The following ASL variants were observed in gnomAD, a reference collection of about 807,000 sequenced individuals.
ASL encodes the protein argininosuccinase.
Under a neutral mutation model 69.1 loss-of-function variants are expected in ASL, and 51 were observed. The observed-to-expected ratio is 0.74, with a 90% CI of 0.59 to 0.93. The LOEUF (loss-of-function observed/expected upper bound fraction) is 0.93. Ranked by LOEUF, ASL falls within the 40% of genes least tolerant of loss-of-function variation. ASL has a pLI of 0.00. For missense variants in ASL, 540 were observed against 623.9 expected (o/e 0.87, Z 1.43); for synonymous variants, 241 against 247.6 (o/e 0.97, Z 0.25).
intron 1 of ASL, 22 bp from the exon 2 acceptor site, chr7:66,076,017 T>A (rs1168564105): frequency 6.4e-7 from 1 of 1,563,084 alleles, no homozygotes; most frequent in Non-Finnish European, 8.7e-7. Flanking sequence ...AAGGAGGTCG[T>A]CAGTCCGGTC....
chr7:66,078,791 C>T (rs959188710), intron 2 of ASL, among the ~76,000 whole-genome samples: 5 of 152,054 alleles, frequency 3.3e-5, no homozygotes, highest in East Asian at 3.9e-4. Context: ...CCTGCCACCG[C>T]GCCTGGCTAA....
chr7:66,088,746 CT>C (rs1786744099), intron 10 of ASL, 60 bp from the exon 11 acceptor site: 5 of 1,447,446 alleles, frequency 3.5e-6, no homozygotes, highest in Non-Finnish European at 4.8e-6. Flanking sequence ...CTCCTGCCCC[CT>C]GTATGGTCAG....
chr7:66,087,031 G>C (rs2115727914), intron 8 of ASL: 1 of 686,886 alleles, frequency 1.5e-6, no homozygotes, highest in East Asian at 2.7e-5. Context: ...CAAGGCTCCT[G>C]GCAAGCCCAG....
At chr7:66,078,833 C>A (rs906890116) in intron 2 of ASL, among the ~76,000 whole-genome samples, 13 of 151,978 alleles carry the variant, frequency 8.6e-5, no homozygotes, top group Non-Finnish European at 1.5e-4. Context: ...TGAGGTTTCA[C>A]CATGTTGGCC....
chr7:66,092,667 C>G lies in ASL; in HGVS notation c.1250+4C>G, dbSNP rs374333124. 5.0e-6 allele frequency: 8 copies of G among 1,613,678 alleles called. No individual in the cohort carries two copies. The South Asian group carries it at 6.6e-5, about 13-fold the overall frequency. ...TGCAGGAGCTGCAGACCATCAGGTA[C>G]GGCCCATCCCCTTCCCCATGCTGCC... is the stretch of plus-strand genomic sequence containing the variant. On this transcript the variant is annotated splice_donor_region_variant and intron_variant, in intron 16 of 16. Coordinates refer to ENST00000304874, the MANE Select transcript of ASL (RefSeq NM_000048.4).
intron 10 of ASL, among the ~76,000 whole-genome samples, chr7:66,088,460 A>C (rs1390855412): frequency 6.6e-6 from 1 of 152,178 alleles, no homozygotes; most frequent in Non-Finnish European, 1.5e-5. Context: ...CAGCCTGTGC[A>C]TTGGGAGCGA....
intron 6 of ASL, among the ~76,000 whole-genome samples, chr7:66,084,431 G>A (rs1786600697): frequency 6.6e-6 from 1 of 151,882 alleles, no homozygotes; most frequent in African/African-American, 2.4e-5. Context: ...CAAAGTGCTA[G>A]GATTACACCC....
At chr7:66,083,024 C>T in intron 5 of ASL, 53 bp from the exon 6 acceptor site, 1 of 1,611,982 alleles carries the variant, frequency 6.2e-7, no homozygotes. Context: ...GGTCCTGGCT[C>T]CTCAGGGAAG....
Position 66,075,852 on chromosome 7 carries a change from C to T in ASL, c.-48C>T, listed in dbSNP as rs1786329083. 5 of 551,988 alleles carry T rather than the reference C, an allele frequency of 9.1e-6. No individual in the cohort carries two copies. The highest frequency in any genetic ancestry group is 8.6e-5 in the South Asian group (4 of 46,352). 34.2% of individuals were successfully genotyped at this position (551,988 alleles called of 1,614,324 possible). Reference sequence around the variant, plus strand: ...GCGCGACACTATCCGTGCGGCCAGGCGGAGGTGAGTGCGCGGCGGCCGGAT... The same window carrying T: ...GCGCGACACTATCCGTGCGGCCAGGTGGAGGTGAGTGCGCGGCGGCCGGAT... On this transcript the variant is annotated 5_prime_UTR_variant, in exon 1 of 17. Transcript: ENST00000304874.
rs1786897038 is a variant in ASL, at chr7:66,092,909, C to G, written c.1392C>G (p.Ala464=). The G allele has an allele frequency of 6.2e-7, 1 of 1,606,114 alleles. No homozygotes were observed. Among genetic ancestry groups the G allele is most frequent in the African/African-American group, 1.3e-5 (1 of 75,034 alleles). The change falls in exon 17 of 17, where the codon GCC becomes GCG. Residue 464 remains alanine, a synonymous_variant. Coordinates refer to ENST00000304874, the MANE Select transcript of ASL (RefSeq NM_000048.4). ...QVRALLQAQQ[A] ...GGGCGCTACTGCAGGCACAGCAGGC[C>G]TAGGTCCTCCCACACCTGCCCCCTA... is the stretch of plus-strand genomic sequence containing the variant.
intron 2 of ASL, among the ~76,000 whole-genome samples, chr7:66,080,481 G>A (rs534087702): frequency 4.0e-5 from 6 of 151,694 alleles, no homozygotes; most frequent in East Asian, 1.9e-4. Flanking sequence ...CAAGCACTTC[G>A]GGATGCCAAG....
At position 66,082,431 on chromosome 7, in the gene ASL, G is replaced by A; in HGVS notation, c.271G>A (p.Ala91Thr). The change falls in exon 4 of 17, where the codon GCC becomes ACC. Residue 91 changes from alanine to threonine, a missense_variant. Physicochemically the swap from Ala to Thr is moderately conservative, Grantham distance 58 (BLOSUM62 0). Transcript: ENST00000304874. The part of the protein sequence containing the change: ...LNSNDEDIHT[A>T]NERRLKELIG... ...CTCCAATGATGAGGACATCCACACA[G>A]CCAATGAGCGCCGCCTGAAGGTACG... 6.2e-7 allele frequency: 1 copy of A among 1,610,898 alleles called. No individual in the cohort carries two copies. Among genetic ancestry groups the A allele is most frequent in the Non-Finnish European group, 8.5e-7 (1 of 1,179,418 alleles).
At chr7:66,076,483 C>A (rs1786350396) in intron 2 of ASL, among the ~76,000 whole-genome samples, 2 of 152,198 alleles carry the variant, frequency 1.3e-5, no homozygotes, top group African/African-American at 4.8e-5. Flanking sequence ...CCTTCTCCTG[C>A]TAGAGCAATT....
In ASL at chr7:66,093,271, C is replaced by T. The variant is rs1407636851; in HGVS notation, c.*359C>T. On this transcript the variant is annotated 3_prime_UTR_variant, in exon 17 of 17. Transcript: ENST00000304874. ...TGGAGGCTGCAGTGAGCTATGATCA[C>T]GCCACTGCATTCCAGCCTGGATAAC... is the stretch of plus-strand genomic sequence containing the variant. 1 of 371,948 alleles carries T rather than the reference C, an allele frequency of 2.7e-6. No homozygotes were observed. Among genetic ancestry groups the T allele is most frequent in the Non-Finnish European group, 5.2e-6 (1 of 193,814 alleles). 23.0% of individuals were successfully genotyped at this position (371,948 alleles called of 1,614,324 possible).
chr7:66,083,969 T>C (rs1305345688), intron 6 of ASL, among the ~76,000 whole-genome samples: 1 of 152,130 alleles, frequency 6.6e-6, no homozygotes, highest in Non-Finnish European at 1.5e-5. Flanking sequence ...GAAGAGCTGC[T>C]GAGAAGTCTC....
At chr7:66,089,430 C>T in intron 13 of ASL, 95 bp downstream of exon 13, 1 of 1,505,064 alleles carries the variant, frequency 6.6e-7, no homozygotes, top group South Asian at 1.2e-5. Context: ...CATACATCCT[C>T]CCATCCTGTG....
chr7:66,091,875 A>G (rs1417206127), intron 14 of ASL, 131 bp from the exon 15 acceptor site: 1 of 869,214 alleles, frequency 1.2e-6, no homozygotes, highest in African/African-American at 1.6e-5. Flanking sequence ...GTTGAGAGTG[A>G]GACAGAGCCG....
intron 2 of ASL, among the ~76,000 whole-genome samples, chr7:66,081,066 A>G (rs1383994891): frequency 6.6e-6 from 1 of 152,206 alleles, no homozygotes. Flanking sequence ...AGCCCTGGCT[A>G]TCCCACCCCA....
At chr7:66,082,075 G>C in intron 3 of ASL, 78 bp downstream of exon 3, 1 of 1,510,316 alleles carries the variant, frequency 6.6e-7, no homozygotes, top group Non-Finnish European at 9.0e-7. Context: ...TGAGCAAACA[G>C]TGCAGTGTTG....
Sources: allele counts gnomAD v4.1 joint callset (sites outside exome capture counted in the v4.1 genomes callset), GRCh38; gene constraint gnomAD v4.1.1; transcripts MANE v1.5; gene names NCBI Gene and HGNC (gene_info 2026-07-23, HGNC 2026-07-21).